Variants in SLCO1B3 observed in about 807,000 individuals in gnomAD.
SLCO1B3 encodes liver-specific organic anion transporter 2.
SLCO1B3 carries 72 observed loss-of-function variants against 71.8 expected under a neutral mutation model. The ratio of observed to expected loss-of-function variants is 1.00; its 90% CI spans 0.83 to 1.22. The LOEUF is 1.22. Among genes scored for constraint, SLCO1B3 ranks in the 50% most tolerant of loss-of-function variants. SLCO1B3 has a pLI of 0.00. For synonymous variants in SLCO1B3, 298 were observed against 278.4 expected (o/e 1.07, Z -0.70); for missense variants, 911 against 819.7 (o/e 1.11, Z -1.36).
chr12:20,827,310 CTTAT>C (rs1345530920), intron 3 of SLCO1B3, among the ~76,000 whole-genome samples: 5 of 152,144 alleles, frequency 3.3e-5, no homozygotes, highest in Non-Finnish European at 7.4e-5. Flanking sequence ...TTAAAACACA[CTTAT>C]TTATTAAGGA....
At chr12:20,837,999 A>T (rs1011794341) in intron 3 of SLCO1B3, among the ~76,000 whole-genome samples, 1 of 151,878 alleles carries the variant, frequency 6.6e-6, no homozygotes, top group Non-Finnish European at 1.5e-5. Context: ...ATAGAATTTG[A>T]TGCTCTGTTG....
At chr12:20,842,881 A>G (rs1864832300) in intron 3 of SLCO1B3, among the ~76,000 whole-genome samples, 1 of 152,116 alleles carries the variant, frequency 6.6e-6, no homozygotes, top group African/African-American at 2.4e-5. Context: ...ATGAAAGCAG[A>G]CCCCTCATGA....
intron 15 of SLCO1B3, among the ~76,000 whole-genome samples, chr12:20,912,073 C>T (rs1373996471): frequency 6.6e-6 from 1 of 151,986 alleles, no homozygotes; most frequent in Non-Finnish European, 1.5e-5. Flanking sequence ...GCATCCATAA[C>T]ATTTGATGTT....
intron 1 of SLCO1B3, among the ~76,000 whole-genome samples, chr12:20,811,290 C>T (rs947564401): frequency 7.9e-5 from 12 of 152,060 alleles, no homozygotes; most frequent in African/African-American, 2.7e-4. Flanking sequence ...TTCTAGATAA[C>T]TTTTTTATCT....
intron 5 of SLCO1B3, among the ~76,000 whole-genome samples, chr12:20,860,599 TTGTGTGTGTG>T (rs34409706): frequency 3.4e-5 from 5 of 146,734 alleles, no homozygotes; most frequent in Middle Eastern, 3.4e-3. Flanking sequence ...GTCAAGCACT[TTGTGTGTGTG>T]TGTGTGTGTG....
Position 20,916,283 on chromosome 12 carries a change from T to C in SLCO1B3, c.*36T>C, listed in dbSNP as rs747516576. 6.3e-7 allele frequency: 1 copy of C among 1,593,236 alleles called. No individual in the cohort carries two copies. The highest frequency in any genetic ancestry group is 2.2e-5 in the East Asian group (1 of 44,598). ...ATTCATTAAGATGTTATTTTTGAGG[T>C]GTTCCTGGTCTTTCACTGACAATTC... On this transcript the variant is annotated 3_prime_UTR_variant, in exon 16 of 16. Coordinates refer to ENST00000381545, the MANE Select transcript of SLCO1B3 (RefSeq NM_019844.4).
rs866623355 is a variant in SLCO1B3 at position 20,901,427 on chromosome 12, G to A, written c.1825G>A (p.Ala609Thr). The change falls in exon 15 of 16, where the codon GCA (alanine) becomes ACA (threonine). Residue 609 changes from alanine to threonine, a missense_variant. Physicochemically the swap from Ala to Thr is moderately conservative, Grantham distance 58. Coordinates refer to ENST00000381545, the MANE Select transcript of SLCO1B3 (RefSeq NM_019844.4). The part of the protein sequence containing the change: ...CMKWSTNSCG[A>T]QGACRIYNSV... ...GAAGTGGTCCACCAACAGCTGTGGA[G>A]CACAAGGGGCTTGTAGGATATATAA... 3 of 1,577,046 alleles carry A rather than the reference G, an allele frequency of 1.9e-6. No individual in the cohort carries two copies. The highest frequency in any genetic ancestry group is 2.3e-5 in the East Asian group (1 of 43,468).
At chr12:20,840,815 A>T (rs1231420443) in intron 3 of SLCO1B3, among the ~76,000 whole-genome samples, 1 of 152,162 alleles carries the variant, frequency 6.6e-6, no homozygotes, top group Non-Finnish European at 1.5e-5. Context: ...ACCAGAGCTT[A>T]TGAGGCTCCA....
At chr12:20,898,717 A>G (rs1176782372) in intron 14 of SLCO1B3, among the ~76,000 whole-genome samples, 1 of 152,194 alleles carries the variant, frequency 6.6e-6, no homozygotes, top group Non-Finnish European at 1.5e-5. Flanking sequence ...ATCTGTTAAG[A>G]GCAAGGAATC....
intron 6 of SLCO1B3, among the ~76,000 whole-genome samples, chr12:20,862,036 A>C (rs1812339842): frequency 6.6e-6 from 1 of 152,146 alleles, no homozygotes; most frequent in African/African-American, 2.4e-5. Flanking sequence ...TTAAAATTTT[A>C]ATATAGAAGA....
chr12:20,885,722 C>T (rs968897076), intron 13 of SLCO1B3, among the ~76,000 whole-genome samples: 1 of 151,724 alleles, frequency 6.6e-6, no homozygotes, highest in African/African-American at 2.4e-5. Context: ...TTGATACATA[C>T]AAGGTTAGAA....
chr12:20,823,404 T>C (rs1158843546), intron 3 of SLCO1B3, among the ~76,000 whole-genome samples: 2 of 152,288 alleles, frequency 1.3e-5, no homozygotes, highest in African/African-American at 4.8e-5. Context: ...TTATTTCATA[T>C]TGTAGAAAAT....
intron 15 of SLCO1B3, among the ~76,000 whole-genome samples, chr12:20,910,546 A>G (rs1194877546): frequency 6.6e-6 from 1 of 152,190 alleles, no homozygotes; most frequent in East Asian, 1.9e-4. Flanking sequence ...GTTGGGACAA[A>G]CTGACATCTT....
Position 20,815,870 on chromosome 12 carries a change from T to G in SLCO1B3, c.84+48T>G, listed in dbSNP as rs571633334. ...AAACTAAAATAAGTTAATGGAAAATTTTTATGTATAGAAAGGCCACTAACT... is the reference window on the plus strand; with the variant it reads ...AAACTAAAATAAGTTAATGGAAAATGTTTATGTATAGAAAGGCCACTAACT... On this transcript the variant is annotated intron_variant, in intron 3 of 15. Coordinates refer to ENST00000381545, the MANE Select transcript of SLCO1B3 (RefSeq NM_019844.4). 24 of 1,262,784 alleles carry G rather than the reference T, an allele frequency of 1.9e-5. No individual in the cohort carries two copies. In the African/African-American group the frequency reaches 3.0e-4, roughly 16 times the overall value. The allele number at this position is 1,262,784 out of a possible 1,614,324, so 78.2% of individuals were successfully genotyped here.
At chr12:20,854,999 A>T (rs930988068) in intron 3 of SLCO1B3, 29 bp from the exon 4 acceptor site, 1 of 1,599,316 alleles carries the variant, frequency 6.3e-7, no homozygotes, top group Non-Finnish European at 8.5e-7. Context: ...TGATTAACCA[A>T]TTTTCATTTT....
rs537508936 is a variant in SLCO1B3, at chr12:20,851,974, A to G, written c.85-3054A>G. Among the ~76,000 whole-genome samples the G allele has an allele frequency of 8.5e-5, 13 of 152,274 alleles. No homozygotes were observed. In the South Asian group the frequency reaches 2.1e-3, roughly 24 times the overall value. The stretch of plus-strand genomic sequence containing the variant: ...TGAAAATCACTTGTCCATATAGGCA[A>G]CAGTTCATTTCTGAACTCTATTCTA... On this transcript the variant is annotated intron_variant, in intron 3 of 15. Transcript: ENST00000381545.
In SLCO1B3 at chr12:20,855,091, A is replaced by G. The variant is rs761530247; in HGVS notation, c.148A>G (p.Ile50Val). 5.6e-6 allele frequency: 9 copies of G among 1,611,974 alleles called. No homozygotes were observed. In the South Asian group the frequency reaches 7.7e-5, roughly 14 times the overall value. The stretch of plus-strand genomic sequence containing the variant: ...AGCACTAGGTGGAATCATTATGAAA[A>G]TTTCCATCACTCAAATAGAAAGGAG... ...AKALGGIIMKISITQIERRFD... is the reference protein window; with the variant it reads ...AKALGGIIMKVSITQIERRFD... The change falls in exon 4 of 16, where the codon ATT becomes GTT. Residue 50 changes from isoleucine (I) to valine (V), a missense_variant. Ile to Val is a conservative substitution (Grantham distance 29). Transcript: ENST00000381545.
At chr12:20,828,870 T>C (rs1246704537) in intron 3 of SLCO1B3, among the ~76,000 whole-genome samples, 2 of 152,202 alleles carry the variant, frequency 1.3e-5, no homozygotes, top group African/African-American at 4.8e-5. Flanking sequence ...GAATCTTAGC[T>C]ACTGAACTAC....
intron 2 of SLCO1B3, 23 bp downstream of exon 2, chr12:20,813,661 C>T (rs1864143894): frequency 6.6e-6 from 1 of 152,162 alleles, no homozygotes; most frequent in Non-Finnish European, 1.5e-5. Context: ...CAGGCATGAA[C>T]TACAGTGCTA....
Sources: gnomAD v4.1 joint callset for allele counts (sites outside exome capture counted in the v4.1 genomes callset) on GRCh38, gnomAD v4.1.1 for gene constraint, MANE v1.5 for transcripts, NCBI Gene and HGNC (gene_info 2026-07-23, HGNC 2026-07-21) for gene names.